RAB3B: variants seen among roughly 807,000 people sequenced by gnomAD.
The protein encoded by RAB3B is ras-related protein Rab-3B.
In RAB3B, 11 loss-of-function variants were observed where a neutral mutation model predicts 20.5. The ratio of observed to expected loss-of-function variants is 0.54; its 90% CI spans 0.34 to 0.89. The LOEUF is 0.89. Among genes scored for constraint, RAB3B ranks in the 40% least tolerant of loss-of-function variants. The pLI is 0.02. For synonymous variants in RAB3B, 99 were observed against 106.3 expected, an observed-to-expected ratio of 0.93 and a Z score of 0.42; for missense variants, 225 against 280.9, an observed-to-expected ratio of 0.80 and a Z score of 1.42.
chr1:51,937,696 C>A (rs1245416750), intron 2 of RAB3B, among the ~76,000 whole-genome samples: 1 of 151,994 alleles, frequency 6.6e-6, no homozygotes, highest in Non-Finnish European at 1.5e-5. Flanking sequence ...AGGGTTTCTC[C>A]ATGTTGGTCA....
chr1:51,928,773 C>T (rs933079574), intron 4 of RAB3B, among the ~76,000 whole-genome samples: 17 of 152,208 alleles, frequency 1.1e-4, no homozygotes, highest in Admixed American at 6.5e-4. Context: ...CTTTCAATTT[C>T]ATGAATATTT....
At chr1:51,922,210 C>A (rs1446030547) in intron 4 of RAB3B, among the ~76,000 whole-genome samples, 2 of 152,178 alleles carry the variant, frequency 1.3e-5, no homozygotes, top group African/African-American at 4.8e-5. Flanking sequence ...ACTGCCTTAT[C>A]ACAAGTGGCA....
intron 2 of RAB3B, among the ~76,000 whole-genome samples, chr1:51,941,843 T>C (rs940432759): frequency 2.0e-5 from 3 of 152,234 alleles, no homozygotes; most frequent in African/African-American, 7.2e-5. Flanking sequence ...TTCTGGAAGA[T>C]ATTTTCTCCA....
intron 2 of RAB3B, among the ~76,000 whole-genome samples, chr1:51,944,141 A>T (rs1025250826): frequency 2.6e-5 from 4 of 152,218 alleles, no homozygotes; most frequent in Non-Finnish European, 4.4e-5. Flanking sequence ...CTAACTGACC[A>T]TTCTGAAAAT....
intron 2 of RAB3B, among the ~76,000 whole-genome samples, chr1:51,966,863 C>T (rs1007726560): frequency 6.6e-6 from 1 of 152,136 alleles, no homozygotes; most frequent in Non-Finnish European, 1.5e-5. Flanking sequence ...CTGTGCTGCC[C>T]GCTGATCTCT....
At chr1:51,982,570 T>C (rs923895152) in intron 1 of RAB3B, among the ~76,000 whole-genome samples, 2 of 152,072 alleles carry the variant, frequency 1.3e-5, no homozygotes, top group Admixed American at 6.6e-5. Flanking sequence ...CTAGCCAACA[T>C]GGTGAAACCT....
rs1331237660 is a variant in RAB3B at position 51,908,052 on chromosome 1, A to G, written c.*11875T>C. On this transcript the variant is annotated 3_prime_UTR_variant, in exon 5 of 5. Coordinates refer to ENST00000371655, the MANE Select transcript of RAB3B (RefSeq NM_002867.4). ...AATTCAGTTTGTATCAATAAAACAG[A>G]TCAACACAGAACAAGGAAACACCAT... The G allele has an allele frequency of 6.6e-6, 1 of 152,160 alleles. No individual in the cohort carries two copies. The highest frequency in any genetic ancestry group is 1.5e-5 in the Non-Finnish European group (1 of 68,032). The allele number at this position is 152,160 out of a possible 1,614,324, so 9.4% of individuals were successfully genotyped here.
intron 2 of RAB3B, among the ~76,000 whole-genome samples, chr1:51,941,284 A>G (rs149409344): frequency 4.0e-4 from 61 of 152,304 alleles, no homozygotes; most frequent in African/African-American, 1.3e-3. Context: ...AGCTCTGAAT[A>G]CTATGCTATG....
chr1:51,944,287 C>T (rs1036433598), intron 2 of RAB3B, among the ~76,000 whole-genome samples: 2 of 152,168 alleles, frequency 1.3e-5, no homozygotes, highest in African/African-American at 4.8e-5. Flanking sequence ...AACCCACTCT[C>T]AGGAAAAAAT....
chr1:51,945,353 T>C (rs1330556459), intron 2 of RAB3B, among the ~76,000 whole-genome samples: 2 of 152,150 alleles, frequency 1.3e-5, no homozygotes, highest in African/African-American at 4.8e-5. Flanking sequence ...ATTTTTTAAT[T>C]AATGTATGTA....
In RAB3B at chr1:51,921,145, TG is replaced by T. The variant is rs1317676187; in HGVS notation, c.473-1032del. Among the ~76,000 whole-genome samples, 4 of 152,148 alleles carry T rather than the reference TG, an allele frequency of 2.6e-5. No individual in the cohort carries two copies. In the East Asian group the frequency reaches 5.8e-4, roughly 22 times the overall value. On this transcript the variant is annotated intron_variant, in intron 4 of 4. Coordinates refer to ENST00000371655, the MANE Select transcript of RAB3B (RefSeq NM_002867.4). ...TGGTGGCAGCCCTTAGAAGCAAAAG[TG>T]GCCCTCTCCATCAGTCCCCAGCCCT... is the stretch of plus-strand genomic sequence containing the variant.
chr1:51,955,928 CAG>C (rs1203156878), intron 2 of RAB3B, among the ~76,000 whole-genome samples: 3 of 152,150 alleles, frequency 2.0e-5, no homozygotes, highest in African/African-American at 7.2e-5. Context: ...ATACAGGTGG[CAG>C]AGTGTTCTAA....
intron 1 of RAB3B, 38 bp from the exon 2 acceptor site, chr1:51,977,155 T>G (rs758247709): frequency 4.8e-5 from 74 of 1,531,164 alleles, no homozygotes; most frequent in Non-Finnish European, 6.7e-5. Context: ...GAACAGACCT[T>G]CGGTGTCACC....
At chr1:51,921,712 A>G (rs867897542) in intron 4 of RAB3B, among the ~76,000 whole-genome samples, 18 of 152,292 alleles carry the variant, frequency 1.2e-4, no homozygotes, top group Middle Eastern at 6.8e-3. Context: ...AACAGGTGGG[A>G]GGAGTGTGTG....
chr1:51,938,300 G>A (rs1184814437), intron 2 of RAB3B, among the ~76,000 whole-genome samples: 2 of 152,114 alleles, frequency 1.3e-5, no homozygotes, highest in African/African-American at 4.8e-5. Flanking sequence ...CATTAAAAAT[G>A]TTCATACTCT....
chr1:51,931,203 C>T (rs947734078), intron 4 of RAB3B, among the ~76,000 whole-genome samples: 1 of 152,226 alleles, frequency 6.6e-6, no homozygotes, highest in Non-Finnish European at 1.5e-5. Flanking sequence ...CCCTGACCCA[C>T]AAGGCAGCTC....
intron 2 of RAB3B, among the ~76,000 whole-genome samples, chr1:51,940,424 G>A (rs779747574): frequency 1.3e-5 from 2 of 152,064 alleles, no homozygotes; most frequent in East Asian, 1.9e-4. Context: ...GGAGTTTGAG[G>A]CCAGCCTGGC....
intron 2 of RAB3B, among the ~76,000 whole-genome samples, chr1:51,944,337 G>T (rs1260206126): frequency 6.6e-6 from 1 of 152,104 alleles, no homozygotes; most frequent in East Asian, 1.9e-4. Flanking sequence ...CAATGTGCCT[G>T]GTCACCCAAG....
At chr1:51,930,075 G>A (rs1041588834) in intron 4 of RAB3B, among the ~76,000 whole-genome samples, 3 of 152,184 alleles carry the variant, frequency 2.0e-5, no homozygotes, top group Admixed American at 6.5e-5. Flanking sequence ...TCAGGGAGTC[G>A]AGTTAGGCAG....
Sources: allele counts gnomAD v4.1 joint callset (sites outside exome capture counted in the v4.1 genomes callset), GRCh38; gene constraint gnomAD v4.1.1; transcripts MANE v1.5; gene names NCBI Gene and HGNC (gene_info 2026-07-23, HGNC 2026-07-21).